Variants in CHSY1 observed in about 807,000 individuals in gnomAD.
CHSY1 encodes the protein N-acetylgalactosaminyl-proteoglycan 3-beta-glucuronosyltransferase 1.
CHSY1 carries 13 observed loss-of-function variants against 59.8 expected under a neutral mutation model. That is an observed-to-expected ratio of 0.22 (90% CI 0.14 to 0.35). The LOEUF is 0.35. Ranked by LOEUF, CHSY1 falls within the 10% of genes least tolerant of loss-of-function variation. The probability of loss-of-function intolerance (pLI) is 1.00; values close to 1 mark genes in which losing one functional copy is unlikely to be tolerated. For missense variants in CHSY1, 947 were observed against 1,030.6 expected, an observed-to-expected ratio of 0.92 and a Z score of 1.11; for synonymous variants, 459 against 401.2, an observed-to-expected ratio of 1.14 and a Z score of -1.72.
At chr15:101,210,386 C>T (rs998129391) in intron 2 of CHSY1, among the ~76,000 whole-genome samples, 13 of 152,170 alleles carry the variant, frequency 8.5e-5, no homozygotes, top group Non-Finnish European at 1.8e-4. Context: ...AAAAACTAAT[C>T]CCCATTTAAA....
intron 2 of CHSY1, among the ~76,000 whole-genome samples, chr15:101,216,269 G>A (rs2038731282): frequency 1.3e-5 from 2 of 152,220 alleles, no homozygotes; most frequent in African/African-American, 2.4e-5. Context: ...ATGCAAAGCA[G>A]AAGGAGCTCT....
chr15:101,245,321 C>T (rs1220553414), intron 1 of CHSY1, among the ~76,000 whole-genome samples: 1 of 152,210 alleles, frequency 6.6e-6, no homozygotes, highest in African/African-American at 2.4e-5. Flanking sequence ...CTGTAGTTGT[C>T]TCTGCCTCAA....
intron 2 of CHSY1, among the ~76,000 whole-genome samples, chr15:101,206,210 A>G (rs1390761156): frequency 6.6e-6 from 1 of 151,732 alleles, no homozygotes; most frequent in Non-Finnish European, 1.5e-5. Flanking sequence ...GATTCAGGAG[A>G]TAAGACTAGG....
intron 2 of CHSY1, among the ~76,000 whole-genome samples, chr15:101,229,709 C>G (rs889152339): frequency 1.3e-5 from 2 of 151,984 alleles, no homozygotes; most frequent in African/African-American, 4.8e-5. Context: ...GAGTTCAAGA[C>G]CAGCCTGGTT....
At position 101,177,299 on chromosome 15, in the gene CHSY1, T is replaced by G. The variant is rs1330960760; in HGVS notation, c.*89A>C. ...GAAAACCACTTGTAAAATATATCCT[T>G]GTATACGGACTTCAAAAACTGATCA... is the stretch of plus-strand genomic sequence containing the variant. On this transcript the variant is annotated 3_prime_UTR_variant, in exon 3 of 3. Coordinates refer to ENST00000254190, the MANE Select transcript of CHSY1 (RefSeq NM_014918.5). 8.8e-6 allele frequency: 11 copies of G among 1,249,096 alleles called. No homozygotes were observed. Among genetic ancestry groups the G allele is most frequent in the Non-Finnish European group, 1.2e-5 (11 of 893,186 alleles). The allele number at this position is 1,249,096 out of a possible 1,614,324, so 77.4% of individuals were successfully genotyped here. A position where few individuals can be genotyped will look rare whatever the true frequency, so the allele number is the denominator to read the frequency against.
intron 2 of CHSY1, among the ~76,000 whole-genome samples, chr15:101,215,369 G>T (rs113124674): frequency 6.6e-6 from 1 of 152,086 alleles, no homozygotes; most frequent in Non-Finnish European, 1.5e-5. Context: ...AAGATGAAGG[G>T]GTAGGATACA....
intron 2 of CHSY1, among the ~76,000 whole-genome samples, chr15:101,231,263 C>G (rs1039989653): frequency 6.6e-6 from 1 of 152,158 alleles, no homozygotes; most frequent in African/African-American, 2.4e-5. Flanking sequence ...ATCAAAAAGA[C>G]GAAGTTCTTT....
intron 2 of CHSY1, among the ~76,000 whole-genome samples, chr15:101,183,824 A>G (rs146621116): frequency 6.6e-6 from 1 of 152,350 alleles, no homozygotes; most frequent in East Asian, 1.9e-4. Context: ...GCAAGTATGG[A>G]GAAATTGTTG....
intron 2 of CHSY1, among the ~76,000 whole-genome samples, chr15:101,187,003 A>G (rs371572322): frequency 5.8e-4 from 89 of 152,320 alleles, no homozygotes; most frequent in African/African-American, 2.1e-3. Flanking sequence ...CTGAAGCTGC[A>G]GCAATATCTT....
At chr15:101,237,642 G>A (rs556260295) in intron 1 of CHSY1, among the ~76,000 whole-genome samples, 3 of 152,312 alleles carry the variant, frequency 2.0e-5, no homozygotes, top group South Asian at 4.1e-4. Context: ...GAGGGAAGAT[G>A]AGTGGTCAAC....
intron 2 of CHSY1, among the ~76,000 whole-genome samples, chr15:101,197,218 G>A (rs1459334539): frequency 1.3e-5 from 2 of 152,198 alleles, no homozygotes; most frequent in East Asian, 1.9e-4. Context: ...GGAGTGGGGA[G>A]AGGCAATGCC....
chr15:101,200,463 T>C (rs991403880), intron 2 of CHSY1, among the ~76,000 whole-genome samples: 1 of 152,142 alleles, frequency 6.6e-6, no homozygotes, highest in African/African-American at 2.4e-5. Flanking sequence ...ACCAGAAAAG[T>C]CACAAAAGTC....
chr15:101,187,315 T>C (rs891567804), intron 2 of CHSY1, among the ~76,000 whole-genome samples: 1 of 152,052 alleles, frequency 6.6e-6, no homozygotes. Flanking sequence ...ACTGTTTCTA[T>C]TAAAATTACA....
intron 2 of CHSY1, among the ~76,000 whole-genome samples, chr15:101,192,111 T>TTC (rs1198576076): frequency 2.0e-5 from 3 of 152,242 alleles, no homozygotes; most frequent in South Asian, 2.1e-4. Context: ...GATACCATAC[T>TTC]TCTCTCTCTC....
chr15:101,188,278 G>C (rs2038396725), intron 2 of CHSY1: 1 of 747,636 alleles, frequency 1.3e-6, no homozygotes, highest in African/African-American at 1.9e-5. Flanking sequence ...CGTAACTGCT[G>C]GTAGCCAGTC....
At chr15:101,241,367 G>C (rs1044317589) in intron 1 of CHSY1, among the ~76,000 whole-genome samples, 1 of 152,236 alleles carries the variant, frequency 6.6e-6, no homozygotes, top group Admixed American at 6.5e-5. Context: ...GGGATTACCG[G>C]CGGAAGCCAT....
chr15:101,236,197 C>T (rs1184485923), intron 1 of CHSY1, among the ~76,000 whole-genome samples: 1 of 152,178 alleles, frequency 6.6e-6, no homozygotes, highest in Non-Finnish European at 1.5e-5. Flanking sequence ...TCAAGGAATG[C>T]AGGGCACGAG....
intron 2 of CHSY1, among the ~76,000 whole-genome samples, chr15:101,196,983 T>C (rs997034431): frequency 1.6e-4 from 25 of 152,270 alleles, no homozygotes; most frequent in Non-Finnish European, 8.8e-5. Context: ...ATGTTTAGTC[T>C]TAATTCTTTT....
chr15:101,203,021 C>A (rs1239619817), intron 2 of CHSY1, among the ~76,000 whole-genome samples: 1 of 152,078 alleles, frequency 6.6e-6, no homozygotes, highest in African/African-American at 2.4e-5. Flanking sequence ...TGCTGGTTAG[C>A]ATATAAAAAT....
Sources: gnomAD v4.1 joint callset for allele counts (sites outside exome capture counted in the v4.1 genomes callset) on GRCh38, gnomAD v4.1.1 for gene constraint, MANE v1.5 for transcripts, NCBI Gene and HGNC (gene_info 2026-07-23, HGNC 2026-07-21) for gene names.